The following CDH4 variants were observed in gnomAD, a reference collection of about 807,000 sequenced individuals.
CDH4 encodes cadherin-4.
In CDH4, 33 loss-of-function variants were observed where a neutral mutation model predicts 86.0. The ratio of observed to expected loss-of-function variants is 0.38; its 90% CI spans 0.29 to 0.51. The LOEUF is 0.51. Among genes scored for constraint, CDH4 ranks in the 20% least tolerant of loss-of-function variants. The probability of loss-of-function intolerance (pLI) is 0.86; values close to 1 mark genes in which losing one functional copy is unlikely to be tolerated. For missense variants in CDH4, 1,114 were observed against 1,307.4 expected, an observed-to-expected ratio of 0.85 and a Z score of 2.28; for synonymous variants, 555 against 549.4, an observed-to-expected ratio of 1.01 and a Z score of -0.14.
chr20:61,932,402 ACACGCACACAGGCATGCATG>A (rs1331426644), intron 13 of CDH4, among the ~76,000 whole-genome samples: 1 of 152,222 alleles, frequency 6.6e-6, no homozygotes, highest in African/African-American at 2.4e-5. Flanking sequence ...AAACTCATGC[ACACGCACACAGGCATGCATG>A]CACGCACAGA....
At chr20:61,934,452 C>T (rs531123311) in intron 15 of CDH4, among the ~76,000 whole-genome samples, 3 of 152,242 alleles carry the variant, frequency 2.0e-5, no homozygotes, top group Non-Finnish European at 4.4e-5. Flanking sequence ...GTAGGCTAGG[C>T]GAAGGATCAA....
At chr20:61,357,304 A>G (rs2084755938) in intron 2 of CDH4, among the ~76,000 whole-genome samples, 1 of 152,174 alleles carries the variant, frequency 6.6e-6, no homozygotes, top group Non-Finnish European at 1.5e-5. Flanking sequence ...TGTCTGAGAC[A>G]TCCGGTAGGC....
intron 2 of CDH4, among the ~76,000 whole-genome samples, chr20:61,557,990 G>A (rs1600756904): frequency 6.6e-6 from 1 of 152,258 alleles, no homozygotes; most frequent in East Asian, 1.9e-4. Flanking sequence ...GTAGTAGGTT[G>A]GGGTTTGTGC....
At chr20:61,922,082 G>A (rs769659792) in intron 9 of CDH4, among the ~76,000 whole-genome samples, 1 of 152,312 alleles carries the variant, frequency 6.6e-6, no homozygotes, top group South Asian at 2.1e-4. Flanking sequence ...CCATGCAGAT[G>A]TACTGCAGGC....
chr20:61,762,053 C>T (rs2088640503), intron 3 of CDH4, among the ~76,000 whole-genome samples: 1 of 152,250 alleles, frequency 6.6e-6, no homozygotes, highest in Non-Finnish European at 1.5e-5. Flanking sequence ...CAGGGCCCAC[C>T]TGGCTCTGCT....
chr20:61,314,931 T>A (rs2084468096), intron 2 of CDH4, among the ~76,000 whole-genome samples: 1 of 152,252 alleles, frequency 6.6e-6, no homozygotes, highest in Admixed American at 6.5e-5. Flanking sequence ...ATATCTGTGT[T>A]GAGAAATGTC....
intron 2 of CDH4, among the ~76,000 whole-genome samples, chr20:61,320,807 A>T (rs997142804): frequency 6.6e-6 from 1 of 151,826 alleles, no homozygotes; most frequent in Non-Finnish European, 1.5e-5. Flanking sequence ...CAGCGTGCGC[A>T]GAGGTCCTGT....
chr20:61,853,586 A>G (rs960772387), intron 6 of CDH4, among the ~76,000 whole-genome samples: 2 of 152,032 alleles, frequency 1.3e-5, no homozygotes, highest in Admixed American at 6.6e-5. Flanking sequence ...GCCGTCTGTG[A>G]CTGCCAAGAA....
rs976207571 is a variant in CDH4, at chr20:61,829,915, G to A, written c.577-14753G>A. Among the ~76,000 whole-genome samples, 22 of 152,092 alleles carry A rather than the reference G, an allele frequency of 1.4e-4. No individual in the cohort carries two copies. Among genetic ancestry groups the A allele is most frequent in the South Asian group, 1.0e-3 (5 of 4,820 alleles). ...GGAGGGACGAGGCTCCTGCCCGGCCGGCCCTGGGGCTGGGAGGCAGGTGTG... is the reference window on the plus strand; with the variant it reads ...GGAGGGACGAGGCTCCTGCCCGGCCAGCCCTGGGGCTGGGAGGCAGGTGTG... On this transcript the variant is annotated intron_variant, in intron 4 of 15. Transcript: ENST00000614565. The surrounding 1 kb of genome is among the most constrained non-coding windows in gnomAD (Gnocchi z 4.2).
intron 2 of CDH4, among the ~76,000 whole-genome samples, chr20:61,691,873 T>C (rs1289615708): frequency 7.8e-6 from 1 of 127,502 alleles, no homozygotes; most frequent in Non-Finnish European, 1.7e-5. Context: ...CACCTGTCTA[T>C]GTGTGTATGT....
intron 4 of CDH4, among the ~76,000 whole-genome samples, chr20:61,805,967 T>C (rs1474848185): frequency 1.3e-5 from 2 of 152,166 alleles, no homozygotes; most frequent in Non-Finnish European, 2.9e-5. Context: ...TGTGGAAAGC[T>C]ACGCAGGCCC....
At chr20:61,513,102 AGG>A (rs1555858559) in intron 2 of CDH4, among the ~76,000 whole-genome samples, 3 of 152,172 alleles carry the variant, frequency 2.0e-5, no homozygotes, top group Non-Finnish European at 4.4e-5. Context: ...TTTGTCCTAC[AGG>A]TAGGCCGTCC....
intron 3 of CDH4, among the ~76,000 whole-genome samples, chr20:61,750,406 C>G (rs756286798): frequency 3.9e-5 from 6 of 152,104 alleles, no homozygotes; most frequent in Non-Finnish European, 5.9e-5. Context: ...GAAATATACA[C>G]CTTACCAAAC....
At chr20:61,303,049 A>C (rs1412162297) in intron 2 of CDH4, among the ~76,000 whole-genome samples, 2 of 152,178 alleles carry the variant, frequency 1.3e-5, no homozygotes. Flanking sequence ...AGGGAAACCC[A>C]TATCAGACTT....
chr20:61,908,413 A>G (rs1264320217), intron 8 of CDH4, among the ~76,000 whole-genome samples: 1 of 152,124 alleles, frequency 6.6e-6, no homozygotes, highest in African/African-American at 2.4e-5. Context: ...CACTGGTCTA[A>G]TGGGGCCTCC....
chr20:61,864,411 A>C (rs1983455890), intron 6 of CDH4, among the ~76,000 whole-genome samples: 1 of 152,242 alleles, frequency 6.6e-6, no homozygotes. Context: ...ATGCAGCCAG[A>C]AACCCTGTCC....
intron 2 of CDH4, among the ~76,000 whole-genome samples, chr20:61,277,864 C>T (rs1004038178): frequency 6.6e-6 from 1 of 152,158 alleles, no homozygotes; most frequent in Non-Finnish European, 1.5e-5. Flanking sequence ...AGCTCATGAG[C>T]GTTCTGATGG....
chr20:61,286,729 G>A (rs911408145), intron 2 of CDH4, among the ~76,000 whole-genome samples: 6 of 152,224 alleles, frequency 3.9e-5, no homozygotes, highest in African/African-American at 9.6e-5. Context: ...GAAGAATCCC[G>A]AATAGCTGAC....
At chr20:61,855,652 C>T (rs1568851589) in intron 6 of CDH4, among the ~76,000 whole-genome samples, 1 of 152,214 alleles carries the variant, frequency 6.6e-6, no homozygotes, top group Non-Finnish European at 1.5e-5. Flanking sequence ...AAAGTCTTCC[C>T]AAAAGCGCAA....
Sources: gnomAD v4.1 joint callset for allele counts (sites outside exome capture counted in the v4.1 genomes callset) on GRCh38, gnomAD v4.1.1 for gene constraint, Gnocchi (gnomAD v3.1) non-coding constraint, MANE v1.5 for transcripts, NCBI Gene and HGNC (gene_info 2026-07-23, HGNC 2026-07-21) for gene names.